PCBP3: variants seen among roughly 807,000 people sequenced by gnomAD.
PCBP3 encodes poly(rC)-binding protein 3.
Under a neutral mutation model 52.7 loss-of-function variants are expected in PCBP3, and 25 were observed. The ratio of observed to expected loss-of-function variants is 0.47; its 90% confidence interval spans 0.35 to 0.66. The LOEUF is 0.66. PCBP3 is among the 30% of genes least tolerant of loss of function. PCBP3 has a pLI of 0.01. For synonymous variants in PCBP3, 162 were observed against 183.0 expected (o/e 0.89, Z 0.93); for missense variants, 391 against 490.3 (o/e 0.80, Z 1.91).
At chr21:45,703,999 C>A (rs535526048) in intron 2 of PCBP3, among the ~76,000 whole-genome samples, 1 of 151,990 alleles carries the variant, frequency 6.6e-6, no homozygotes, top group Non-Finnish European at 1.5e-5. Flanking sequence ...ATGGAGGTTG[C>A]GAGTGGTTGA....
chr21:45,662,469 T>C (rs2080469122), intron 1 of PCBP3, among the ~76,000 whole-genome samples: 1 of 151,866 alleles, frequency 6.6e-6, no homozygotes, highest in African/African-American at 2.4e-5. Context: ...CCTAGGCCAA[T>C]GTCCAGAAGA....
chr21:45,691,412 T>TTA (rs1253786556), intron 2 of PCBP3, among the ~76,000 whole-genome samples: 46 of 142,882 alleles, frequency 3.2e-4, no homozygotes, highest in Non-Finnish European at 6.3e-4. Flanking sequence ...CATATATATA[T>TTA]TATATATATA....
At chr21:45,878,601 G>A (rs11702478) in intron 5 of PCBP3, among the ~76,000 whole-genome samples, 44,747 of 152,116 alleles carry the variant, frequency 0.29, 8,032 homozygotes, top group East Asian at 0.67. Context: ...GTGGCACAGA[G>A]CTAAACAGCG....
chr21:45,747,078 A>T (rs2086961465), intron 3 of PCBP3, among the ~76,000 whole-genome samples: 2 of 152,248 alleles, frequency 1.3e-5, no homozygotes, highest in African/African-American at 4.8e-5. Context: ...ATAAAGAAAA[A>T]GAGGTTTAGG....
At chr21:45,727,496 G>A (rs1418178639) in intron 2 of PCBP3, among the ~76,000 whole-genome samples, 1 of 152,342 alleles carries the variant, frequency 6.6e-6, no homozygotes, top group South Asian at 2.1e-4. Flanking sequence ...GGAAGCACCG[G>A]GTAGGTCAAG....
At chr21:45,838,358 C>G (rs1303392859) in intron 4 of PCBP3, among the ~76,000 whole-genome samples, 2 of 152,116 alleles carry the variant, frequency 1.3e-5, no homozygotes, top group Non-Finnish European at 2.9e-5. Context: ...CTTCCACAGA[C>G]CACCTGGAAT....
intron 5 of PCBP3, among the ~76,000 whole-genome samples, chr21:45,852,588 G>C (rs1425290563): frequency 5.5e-4 from 65 of 118,996 alleles, no homozygotes; most frequent in African/African-American, 2.0e-3. Context: ...CTGCAGCCAT[G>C]CTGATTTTTG....
intron 2 of PCBP3, among the ~76,000 whole-genome samples, chr21:45,708,055 A>G (rs1450343175): frequency 6.6e-6 from 1 of 152,208 alleles, no homozygotes; most frequent in South Asian, 2.1e-4. Flanking sequence ...GAATAAAACT[A>G]TGGGACTGAG....
chr21:45,839,711 C>T (rs911148408), intron 4 of PCBP3, among the ~76,000 whole-genome samples: 6 of 152,258 alleles, frequency 3.9e-5, no homozygotes, highest in African/African-American at 1.4e-4. Context: ...GAGATGGAGT[C>T]TCTCTCACTT....
At chr21:45,702,637 T>A (rs926192010) in intron 2 of PCBP3, among the ~76,000 whole-genome samples, 4 of 152,252 alleles carry the variant, frequency 2.6e-5, no homozygotes, top group Non-Finnish European at 5.9e-5. Context: ...AGTCATCATC[T>A]TCTCACTGGT....
chr21:45,738,894 C>T (rs1291535286), intron 3 of PCBP3, among the ~76,000 whole-genome samples: 3 of 140,740 alleles, frequency 2.1e-5, no homozygotes, highest in Non-Finnish European at 4.6e-5. Flanking sequence ...CAGCCCACCC[C>T]TTCCTGTCCA....
intron 15 of PCBP3, among the ~76,000 whole-genome samples, chr21:45,931,299 CA>C (rs1264342197): frequency 6.6e-6 from 1 of 152,366 alleles, no homozygotes; most frequent in Non-Finnish European, 1.5e-5. Context: ...TGGGGCTTAG[CA>C]GGTTCCTAGG....
intron 4 of PCBP3, among the ~76,000 whole-genome samples, chr21:45,783,403 C>T (rs554020272): frequency 2.6e-4 from 40 of 152,302 alleles, no homozygotes; most frequent in African/African-American, 8.2e-4. Flanking sequence ...ATACAAAAAT[C>T]TTTAGAGAAA....
chr21:45,884,615 C>T (rs1304166968), intron 5 of PCBP3, among the ~76,000 whole-genome samples: 3 of 152,214 alleles, frequency 2.0e-5, no homozygotes, highest in Non-Finnish European at 2.9e-5. Context: ...GGCTGGAGTG[C>T]AGTGACACGA....
At chr21:45,907,125 T>A (rs2096231062) in intron 9 of PCBP3, among the ~76,000 whole-genome samples, 1 of 152,224 alleles carries the variant, frequency 6.6e-6, no homozygotes, top group Non-Finnish European at 1.5e-5. Flanking sequence ...ATGTCTCAGT[T>A]GTTCTTTCTG....
intron 4 of PCBP3, among the ~76,000 whole-genome samples, chr21:45,823,624 G>A (rs540238074): frequency 3.4e-4 from 52 of 152,278 alleles, no homozygotes; most frequent in African/African-American, 1.0e-3. Context: ...GGTGGCCGAC[G>A]GGTTCCTGCA....
chr21:45,907,693 G>A (rs1367722926), intron 9 of PCBP3, among the ~76,000 whole-genome samples: 1 of 151,874 alleles, frequency 6.6e-6, no homozygotes, highest in Non-Finnish European at 1.5e-5. Flanking sequence ...ATCTGTAAGT[G>A]TGGCTCTGAA....
At chr21:45,659,337 C>CTTTTTTTTT (rs36113182) in intron 1 of PCBP3, among the ~76,000 whole-genome samples, 4 of 78,738 alleles carry the variant, frequency 5.1e-5, no homozygotes, top group Non-Finnish European at 7.4e-5. Flanking sequence ...TTTTACTTTC[C>CTTTTTTTTT]TTTTTTTTTT....
At position 45,792,265 on chromosome 21, in the gene PCBP3, C is replaced by T. The variant is rs552771970; in HGVS notation, c.-126+36813C>T. 2.0e-5 allele frequency among the ~76,000 whole-genome samples: 3 copies of T among 152,390 alleles called. No homozygotes were observed. In the East Asian group the frequency reaches 5.8e-4, roughly 29 times the overall value. The stretch of plus-strand genomic sequence containing the variant: ...CAGGTGGCAGCAACCCGCAGAGCTG[C>T]GGCAAGGGCAAGAGAACCGCTGGGG... On this transcript the variant is annotated intron_variant, in intron 4 of 17. Transcript: ENST00000681687.
Sources: gnomAD v4.1 joint callset for allele counts (sites outside exome capture counted in the v4.1 genomes callset) on GRCh38, gnomAD v4.1.1 for gene constraint, MANE v1.5 for transcripts, NCBI Gene and HGNC (gene_info 2026-07-23, HGNC 2026-07-21) for gene names.